Variants in GKAP1 observed in about 807,000 individuals in gnomAD.
GKAP1 encodes the protein G kinase anchoring protein 1, also known as G kinase-anchoring protein 1.
Under a neutral mutation model 56.7 loss-of-function variants are expected in GKAP1, and 31 were observed. The ratio of observed to expected loss-of-function variants is 0.55; its 90% CI spans 0.41 to 0.74. The LOEUF (loss-of-function observed/expected upper bound fraction) is 0.74. GKAP1 is among the 30% of genes least tolerant of loss of function. The pLI is 0.00. For missense variants in GKAP1, 364 were observed against 402.3 expected, an observed-to-expected ratio of 0.90 and a Z score of 0.82; for synonymous variants, 151 against 138.6, an observed-to-expected ratio of 1.09 and a Z score of -0.63.
rs191761298 is a variant in GKAP1 at position 83,791,311 on chromosome 9, G to A, written c.361-2633C>T. Among the ~76,000 whole-genome samples, 163 of 151,960 alleles carry A rather than the reference G, an allele frequency of 1.1e-3. 3 individuals carry two copies. In the East Asian group the frequency reaches 0.023, roughly 22 times the overall value. On this transcript the variant is annotated intron_variant, in intron 4 of 12. Transcript: ENST00000376371. ...CCAGCTACTCGGGAGGCTGAGGCAC[G>A]AGAATGGTGTGAACCCAGGAGGCGG...
intron 2 of GKAP1, among the ~76,000 whole-genome samples, chr9:83,816,247 T>C (rs1944592200): frequency 6.6e-6 from 1 of 152,086 alleles, no homozygotes; most frequent in Non-Finnish European, 1.5e-5. Context: ...ACTAAAACTC[T>C]GCTCCAAACA....
chr9:83,798,011 C>T (rs1381388570), intron 4 of GKAP1, among the ~76,000 whole-genome samples: 1 of 152,156 alleles, frequency 6.6e-6, no homozygotes, highest in African/African-American at 2.4e-5. Context: ...TATACCAGTA[C>T]CTGGAACTGC....
chr9:83,807,959 T>C lies in GKAP1; in HGVS notation c.-43-1399A>G, dbSNP rs146250201. 5.8e-3 allele frequency among the ~76,000 whole-genome samples: 888 copies of C among 152,310 alleles called. 6 individuals are homozygous for C. The highest frequency in any genetic ancestry group is 8.0e-3 in the Non-Finnish European group (546 of 68,036). Reference sequence around the variant, plus strand: ...CCACCTTAAGTAACCAGAAAAATATTTGGAAATCTTTCAAGTTTTTGGTAT... The same window carrying C: ...CCACCTTAAGTAACCAGAAAAATATCTGGAAATCTTTCAAGTTTTTGGTAT... On this transcript the variant is annotated intron_variant, in intron 2 of 12. Transcript: ENST00000376371.
chr9:83,809,094 C>T (rs567623584), intron 2 of GKAP1, among the ~76,000 whole-genome samples: 104 of 152,282 alleles, frequency 6.8e-4, no homozygotes, highest in South Asian at 1.9e-3. Context: ...ACACCTTACA[C>T]AAAAAAATTT....
chr9:83,771,149 C>A (rs1030516539), intron 7 of GKAP1, among the ~76,000 whole-genome samples: 4 of 152,040 alleles, frequency 2.6e-5, no homozygotes, highest in Admixed American at 6.5e-5. Context: ...ACAACCCTCA[C>A]CCCTTTAGGT....
chr9:83,745,056 T>A (rs566355677), intron 10 of GKAP1, among the ~76,000 whole-genome samples: 2 of 152,166 alleles, frequency 1.3e-5, no homozygotes, highest in South Asian at 4.1e-4. Context: ...CCAAACCATA[T>A]CAACAGGGTC....
rs1352381599 is a variant in GKAP1 at position 83,788,725 on chromosome 9, CAT to C, written c.361-49_361-48del. ...ATAAACAGACAGTATCATTACATCA[CAT>C]GAGCAAAATAACCATACATATTACT... On this transcript the variant is annotated intron_variant, in intron 4 of 12. Transcript: ENST00000376371. 3 of 1,162,506 alleles carry C rather than the reference CAT, an allele frequency of 2.6e-6. No individual in the cohort carries two copies. In the Admixed American group the frequency reaches 5.4e-5, roughly 21 times the overall value. 72.0% of individuals were successfully genotyped at this position (1,162,506 alleles called of 1,614,324 possible). A position where few individuals can be genotyped will look rare whatever the true frequency, so the allele number is the denominator to read the frequency against.
chr9:83,788,590 T>G lies in GKAP1; in HGVS notation c.438+11A>C. The G allele has an allele frequency of 7.0e-7, 1 of 1,430,594 alleles. No homozygotes were observed. Among genetic ancestry groups the G allele is most frequent in the Non-Finnish European group, 9.7e-7 (1 of 1,028,056 alleles). The allele number at this position is 1,430,594 out of a possible 1,614,324, so 88.6% of individuals were successfully genotyped here. On this transcript the variant is annotated intron_variant, in intron 5 of 12. Coordinates refer to ENST00000376371, the MANE Select transcript of GKAP1 (RefSeq NM_025211.4). ...CTTCTAAAATATCTAAATCAGTAAG[T>G]ATGTAAATACCTTTTTGTGCTCTTC... is the stretch of plus-strand genomic sequence containing the variant.
intron 8 of GKAP1, among the ~76,000 whole-genome samples, chr9:83,755,842 T>C (rs113296919): frequency 0.17 from 25,333 of 147,530 alleles, 2,763 homozygotes; most frequent in Non-Finnish European, 0.24. Context: ...CTCGATCTTA[T>C]CTCCCAGGCT....
At chr9:83,746,611 G>A (rs1290571072) in intron 10 of GKAP1, among the ~76,000 whole-genome samples, 2 of 152,138 alleles carry the variant, frequency 1.3e-5, no homozygotes, top group African/African-American at 4.8e-5. Flanking sequence ...GCTGAGGCAG[G>A]AGAACAGTGT....
intron 10 of GKAP1, among the ~76,000 whole-genome samples, chr9:83,743,069 A>G (rs373779526): frequency 1.3e-5 from 2 of 152,206 alleles, no homozygotes; most frequent in East Asian, 3.9e-4. Flanking sequence ...AGGCTGAGGC[A>G]TAAGGATCCC....
intron 2 of GKAP1, among the ~76,000 whole-genome samples, chr9:83,808,550 T>C (rs544665154): frequency 2.6e-5 from 4 of 151,982 alleles, no homozygotes; most frequent in South Asian, 2.1e-4. Flanking sequence ...CAAACCGAGG[T>C]TGCACGACTG....
intron 8 of GKAP1, among the ~76,000 whole-genome samples, chr9:83,756,714 C>G (rs1333323412): frequency 6.6e-6 from 1 of 152,066 alleles, no homozygotes; most frequent in African/African-American, 2.4e-5. Flanking sequence ...ATGATACCCA[C>G]CAACTTCATA....
chr9:83,802,903 G>T (rs1944355218), intron 3 of GKAP1, among the ~76,000 whole-genome samples: 1 of 151,914 alleles, frequency 6.6e-6, no homozygotes, highest in African/African-American at 2.4e-5. Flanking sequence ...AGGCCAAGGT[G>T]GGGTGGATCA....
chr9:83,791,386 G>C (rs539995672), intron 4 of GKAP1, among the ~76,000 whole-genome samples: 3 of 148,990 alleles, frequency 2.0e-5, no homozygotes, highest in Non-Finnish European at 3.0e-5. Flanking sequence ...CTGGGCGACA[G>C]AGCGAGACTC....
intron 8 of GKAP1, among the ~76,000 whole-genome samples, chr9:83,761,036 A>G (rs1023080806): frequency 6.6e-6 from 1 of 152,068 alleles, no homozygotes; most frequent in Non-Finnish European, 1.5e-5. Flanking sequence ...ATGAAACTAA[A>G]ATGAAGAAAG....
intron 4 of GKAP1, among the ~76,000 whole-genome samples, chr9:83,791,617 C>G (rs1405863525): frequency 1.3e-5 from 2 of 152,166 alleles, no homozygotes; most frequent in Admixed American, 1.3e-4. Context: ...TATGACCAAT[C>G]AGCCATTAAG....
intron 7 of GKAP1, among the ~76,000 whole-genome samples, chr9:83,772,950 A>G (rs999186301): frequency 6.6e-6 from 1 of 152,234 alleles, no homozygotes; most frequent in African/African-American, 2.4e-5. Flanking sequence ...AAGGATGCGT[A>G]GGAGCTAGAA....
intron 4 of GKAP1, among the ~76,000 whole-genome samples, chr9:83,789,358 T>A (rs1944116880): frequency 6.6e-6 from 1 of 152,206 alleles, no homozygotes; most frequent in Non-Finnish European, 1.5e-5. Context: ...TTTTCCTAAT[T>A]GCCAAACAGA....
Sources: gnomAD v4.1 joint callset for allele counts (sites outside exome capture counted in the v4.1 genomes callset) on GRCh38, gnomAD v4.1.1 for gene constraint, MANE v1.5 for transcripts, NCBI Gene and HGNC (gene_info 2026-07-23, HGNC 2026-07-21) for gene names.